The following TET1 variants were observed in gnomAD, a reference collection of about 807,000 sequenced individuals.
TET1 encodes the protein tet methylcytosine dioxygenase 1, also known as methylcytosine dioxygenase TET1.
In TET1, 13 loss-of-function variants were observed where a neutral mutation model predicts 148.7. The ratio of observed to expected loss-of-function variants is 0.09; its 90% CI spans 0.06 to 0.14. The LOEUF (loss-of-function observed/expected upper bound fraction) is 0.14. Among genes scored for constraint, TET1 ranks in the 10% least tolerant of loss-of-function variants. The pLI is 1.00. For missense variants in TET1, 2,182 were observed against 2,553.8 expected, an observed-to-expected ratio of 0.85 and a Z score of 3.14; for synonymous variants, 907 against 937.2, an observed-to-expected ratio of 0.97 and a Z score of 0.59.
At chr10:68,669,489 T>G (rs1468608931) in intron 7 of TET1, among the ~76,000 whole-genome samples, 9 of 138,170 alleles carry the variant, frequency 6.5e-5, no homozygotes, top group Middle Eastern at 3.9e-3. Flanking sequence ...TTTTTTTTTT[T>G]TTTGTATTTT....
rs1398311978 is a variant in TET1 at position 68,573,753 on chromosome 10, G to T, written c.1415G>T (p.Gly472Val). The T allele has an allele frequency of 1.2e-6, 2 of 1,613,854 alleles. No homozygotes were observed. Among genetic ancestry groups the T allele is most frequent in the Non-Finnish European group, 1.7e-6 (2 of 1,180,026 alleles). ...GGTGCTATACAGATTTTGCCTTTGG[G>T]CTCAGGACACACTCCTCAATCATCA... is the stretch of plus-strand genomic sequence containing the variant. ...VQGAIQILPL[G>V]SGHTPQSSSN... The change falls in exon 2 of 12, where the codon GGC becomes GTC. Residue 472 changes from glycine to valine, a missense_variant. Around this residue, in one of 11 missense-constraint regions of TET1, gnomAD observed 665 missense variants for 672.4 expected, o/e 0.99. Coordinates refer to ENST00000373644, the MANE Select transcript of TET1 (RefSeq NM_030625.3).
chr10:68,658,428 C>T (rs934084836), intron 6 of TET1, among the ~76,000 whole-genome samples: 1 of 152,104 alleles, frequency 6.6e-6, no homozygotes, highest in Non-Finnish European at 1.5e-5. Context: ...CGTGAGCCAC[C>T]GCGACAGCCC....
chr10:68,683,038 A>G lies in TET1; in HGVS notation c.5052+65A>G. ...ACTATATGCTTAGGCTGCAGTCCTT[A>G]CGTATACTGTGATGACTATTACTGT... On this transcript the variant is annotated intron_variant, in intron 10 of 11. Transcript: ENST00000373644. The G allele has an allele frequency of 1.9e-6, 3 of 1,542,164 alleles. No individual in the cohort carries two copies. In the East Asian group the frequency reaches 6.8e-5, roughly 35 times the overall value.
rs1239301657 is a variant in TET1, at chr10:68,691,807, G to T, written c.6404G>T (p.Trp2135Leu). The T allele has an allele frequency of 6.2e-7, 1 of 1,607,358 alleles. No individual in the cohort carries two copies. The highest frequency in any genetic ancestry group is 1.3e-5 in the African/African-American group (1 of 74,702). Residue 2135 changes from tryptophan to leucine, a missense_variant, in exon 12 of 12, where the codon TGG (tryptophan) becomes TTG (leucine). Transcript: ENST00000373644. The surrounding 1 kb of genome is among the most constrained non-coding windows in gnomAD (Gnocchi z 4.4). ...CACGTTGCGGGGCCCTATAACCATT[G>T]GGTCTGAAGGCTTTTCTCCCCCTCT... The part of the protein sequence containing the change: ...LTHVAGPYNH[W>L]V
chr10:68,613,422 CTT>C (rs2054245400), intron 3 of TET1, among the ~76,000 whole-genome samples: 2 of 152,208 alleles, frequency 1.3e-5, no homozygotes, highest in Admixed American at 1.3e-4. Flanking sequence ...CTGTTGGAGT[CTT>C]TGTTGGAGAC....
Position 68,690,869 on chromosome 10 carries a change from A to G in TET1, c.5466A>G (p.Leu1822=). ...GTGAAACCGAACCCCATTTTATCTTAAAAAGTTCAGACAACACTAAAACTT... is the reference window on the plus strand; with the variant it reads ...GTGAAACCGAACCCCATTTTATCTTGAAAAGTTCAGACAACACTAAAACTT... ...VKSETEPHFI[L]KSSDNTKTYS... Residue 1822 remains leucine, a synonymous_variant, in exon 12 of 12, where the codon TTA becomes TTG. Coordinates refer to ENST00000373644, the MANE Select transcript of TET1 (RefSeq NM_030625.3). 6.2e-7 allele frequency: 1 copy of G among 1,614,126 alleles called. No individual in the cohort carries two copies. Among genetic ancestry groups the G allele is most frequent in the Non-Finnish European group, 8.5e-7 (1 of 1,179,952 alleles).
intron 2 of TET1, among the ~76,000 whole-genome samples, chr10:68,590,703 C>G (rs1190878980): frequency 1.3e-5 from 2 of 152,092 alleles, no homozygotes; most frequent in Non-Finnish European, 2.9e-5. Flanking sequence ...GGAAGGATCA[C>G]TTGAGCCCAG....
At chr10:68,630,988 G>A (rs1330829893) in intron 3 of TET1, among the ~76,000 whole-genome samples, 2 of 151,946 alleles carry the variant, frequency 1.3e-5, no homozygotes, top group Non-Finnish European at 2.9e-5. Context: ...ACCAGCGTGG[G>A]CAACATAATG....
At chr10:68,619,961 G>A (rs1278936542) in intron 3 of TET1, among the ~76,000 whole-genome samples, 1 of 152,180 alleles carries the variant, frequency 6.6e-6, no homozygotes, top group Admixed American at 6.6e-5. Flanking sequence ...GGGAGGCCGA[G>A]CTGGGCAGAT....
chr10:68,593,018 G>A (rs1001777677), intron 2 of TET1, among the ~76,000 whole-genome samples: 6 of 151,960 alleles, frequency 3.9e-5, no homozygotes, highest in Admixed American at 2.0e-4. Context: ...GGTGGATCAC[G>A]AGGTCAAGAG....
At chr10:68,677,671 C>G in intron 8 of TET1, among the ~76,000 whole-genome samples, 1 of 151,944 alleles carries the variant, frequency 6.6e-6, no homozygotes. Context: ...TTAATTGAGA[C>G]GGAGTTTCGG....
intron 3 of TET1, among the ~76,000 whole-genome samples, chr10:68,627,550 C>T (rs1428243010): frequency 6.6e-6 from 1 of 152,104 alleles, no homozygotes; most frequent in African/African-American, 2.4e-5. Flanking sequence ...GAGCCGAGAT[C>T]GTGCTACTGC....
chr10:68,593,992 C>T lies in TET1; in HGVS notation c.1915-6989C>T. The stretch of plus-strand genomic sequence containing the variant: ...CCAGGCTGGAATGCAGTTGCAAGAT[C>T]CCAGCTCACTGGAACCTGTGCCTAC... On this transcript the variant is annotated intron_variant, in intron 2 of 11. Transcript: ENST00000373644. Among the ~76,000 whole-genome samples, 2 of 128,620 alleles carry T rather than the reference C, an allele frequency of 1.6e-5. 1 individual carries two copies. The highest frequency in any genetic ancestry group is 5.2e-4 in the East Asian group (2 of 3,846). 84.4% of individuals were successfully genotyped at this position (128,620 alleles called of 152,430 possible). A position where few individuals can be genotyped will look rare whatever the true frequency, so the allele number is the denominator to read the frequency against.
In TET1 at chr10:68,694,098, G is replaced by A. The variant is rs2133259249; in HGVS notation, c.*2284G>A. 4.3e-6 allele frequency: 1 copy of A among 232,274 alleles called. No homozygotes were observed. The highest frequency in any genetic ancestry group is 2.2e-5 in the African/African-American group (1 of 45,406). 14.4% of individuals were successfully genotyped at this position (232,274 alleles called of 1,614,324 possible). On this transcript the variant is annotated 3_prime_UTR_variant, in exon 12 of 12. Coordinates refer to ENST00000373644, the MANE Select transcript of TET1 (RefSeq NM_030625.3). ...ATTCAAATTGATCTCTCTCTCAATA[G>A]GTTTCTTAACAATCTAAACTTGAAA...
intron 3 of TET1, among the ~76,000 whole-genome samples, chr10:68,625,166 TAGA>T (rs1235990862): frequency 6.6e-6 from 1 of 152,234 alleles, no homozygotes; most frequent in Non-Finnish European, 1.5e-5. Flanking sequence ...TTGTTAAATT[TAGA>T]AGGTCTTAGG....
intron 3 of TET1, among the ~76,000 whole-genome samples, chr10:68,634,476 G>C (rs1250768148): frequency 6.6e-6 from 1 of 152,176 alleles, no homozygotes; most frequent in Non-Finnish European, 1.5e-5. Context: ...GTTAGCATTA[G>C]TATCCAGTGG....
intron 4 of TET1, among the ~76,000 whole-genome samples, chr10:68,648,776 T>C (rs2054888522): frequency 6.6e-6 from 1 of 152,228 alleles, no homozygotes. Context: ...CAGTGTTTTT[T>C]AGGTTTTTGT....
chr10:68,665,700 A>ATG (rs1271933089), intron 6 of TET1, among the ~76,000 whole-genome samples: 1 of 151,970 alleles, frequency 6.6e-6, no homozygotes, highest in Non-Finnish European at 1.5e-5. Flanking sequence ...GGTACTATAT[A>ATG]TATATATAAT....
intron 4 of TET1, among the ~76,000 whole-genome samples, chr10:68,650,915 T>TATTG (rs2054922947): frequency 6.6e-6 from 1 of 152,196 alleles, no homozygotes; most frequent in African/African-American, 2.4e-5. Context: ...AAAAGAACAT[T>TATTG]ATTGATTTTA....
Sources: gnomAD v4.1 joint callset for allele counts (sites outside exome capture counted in the v4.1 genomes callset) on GRCh38, gnomAD v4.1.1 for gene constraint, gnomAD v4.1.1 regional missense constraint, Gnocchi (gnomAD v3.1) non-coding constraint, MANE v1.5 for transcripts, NCBI Gene and HGNC (gene_info 2026-07-23, HGNC 2026-07-21) for gene names.